The following MTCL3 variants were observed in gnomAD, a reference collection of about 807,000 sequenced individuals.
MTCL3 encodes the protein MTCL family member 3, also known as microtubule cross-linking factor 3.
At chr6:127,516,210 C>A in the MTCL3 span, 1 of 1,432,538 alleles carries the variant, frequency 7.0e-7, no homozygotes, top group South Asian at 1.5e-5. Context: ...TCCTGCCGCC[C>A]AAAGCGGCCA....
the MTCL3 span, among the ~76,000 whole-genome samples, chr6:127,487,092 C>T: frequency 1.3e-5 from 2 of 152,164 alleles, no homozygotes; most frequent in South Asian, 4.1e-4. Flanking sequence ...CTCATTCAGA[C>T]TGACAACAGA....
chr6:127,508,610 G>A, the MTCL3 span, among the ~76,000 whole-genome samples: 2 of 152,152 alleles, frequency 1.3e-5, no homozygotes, highest in East Asian at 3.8e-4. Context: ...TCTTGTGTAT[G>A]GGTGAGGTAT....
the MTCL3 span, chr6:127,476,471 C>A: frequency 6.4e-7 from 1 of 1,560,784 alleles, no homozygotes; most frequent in South Asian, 1.2e-5. The surrounding 1 kb of genome is among the most constrained non-coding windows in gnomAD (Gnocchi z 4.4). Context: ...TTGTCCTCCT[C>A]ATTTGGGGGA....
chr6:127,512,854 A>T, the MTCL3 span: 1 of 1,559,444 alleles, frequency 6.4e-7, no homozygotes, highest in East Asian at 2.3e-5. Context: ...AAAGGGCTAA[A>T]AATACATAGT....
chr6:127,515,621 G>A, the MTCL3 span: 2 of 1,411,786 alleles, frequency 1.4e-6, no homozygotes, highest in Non-Finnish European at 9.2e-7. The surrounding 1 kb of genome is among the most constrained non-coding windows in gnomAD (Gnocchi z 4.3). Flanking sequence ...GCTGCCGCCT[G>A]CATGCCCCCG....
the MTCL3 span, among the ~76,000 whole-genome samples, chr6:127,509,959 G>T: frequency 2.6e-5 from 4 of 152,082 alleles, no homozygotes; most frequent in Admixed American, 6.5e-5. Flanking sequence ...CACTATGAAG[G>T]TCAACCTCAA....
chr6:127,515,654 T>G, the MTCL3 span: 1 of 1,475,216 alleles, frequency 6.8e-7, no homozygotes, highest in Non-Finnish European at 8.9e-7. The surrounding 1 kb of genome is among the most constrained non-coding windows in gnomAD (Gnocchi z 4.3). Flanking sequence ...CCCTCTGCGC[T>G]CTGCTGGGGG....
At chr6:127,475,498 G>C in the MTCL3 span, 1 of 1,613,484 alleles carries the variant, frequency 6.2e-7, no homozygotes, top group Non-Finnish European at 8.5e-7. The surrounding 1 kb of genome is among the most constrained non-coding windows in gnomAD (Gnocchi z 7.3). Flanking sequence ...GTAGATGCGC[G>C]CCTCGGTGAT....
At chr6:127,482,825 G>A in the MTCL3 span, 1 of 975,920 alleles carries the variant, frequency 1.0e-6, no homozygotes, top group Non-Finnish European at 1.5e-6. The surrounding 1 kb of genome is among the most constrained non-coding windows in gnomAD (Gnocchi z 4.1). Context: ...AAGTTTATCT[G>A]GCCATTATAT....
the MTCL3 span, chr6:127,475,170 G>T: frequency 9.9e-7 from 1 of 1,011,108 alleles, no homozygotes; most frequent in Non-Finnish European, 1.4e-6. The surrounding 1 kb of genome is among the most constrained non-coding windows in gnomAD (Gnocchi z 7.3). Flanking sequence ...GCCCCAGCGC[G>T]GCCCTGAGCG....
chr6:127,485,674 C>G, the MTCL3 span, among the ~76,000 whole-genome samples: 7 of 152,104 alleles, frequency 4.6e-5, no homozygotes, highest in Non-Finnish European at 5.9e-5. Flanking sequence ...AGTTTCTGGT[C>G]TATATGTGGT....
chr6:127,493,243 G>T, the MTCL3 span, among the ~76,000 whole-genome samples: 1 of 152,016 alleles, frequency 6.6e-6, no homozygotes, highest in East Asian at 1.9e-4. Context: ...AATACAAAGT[G>T]AACTATACCC....
At chr6:127,494,342 G>C in the MTCL3 span, among the ~76,000 whole-genome samples, 1 of 151,930 alleles carries the variant, frequency 6.6e-6, no homozygotes, top group Non-Finnish European at 1.5e-5. Flanking sequence ...AAATATAAGA[G>C]AGCTTAAAAA....
the MTCL3 span, chr6:127,515,185 C>G: frequency 1.2e-6 from 1 of 830,200 alleles, no homozygotes; most frequent in South Asian, 1.6e-5. This position sits in a 1 kb window ranked among gnomAD's most constrained non-coding sequence, Gnocchi z 4.3. Flanking sequence ...TGACAAGGAG[C>G]TGAGTACAGA....
chr6:127,515,480 C>G, the MTCL3 span: 2 of 1,405,930 alleles, frequency 1.4e-6, no homozygotes, highest in South Asian at 1.7e-5. This position sits in a 1 kb window ranked among gnomAD's most constrained non-coding sequence, Gnocchi z 4.3. Flanking sequence ...CCCACTCTTC[C>G]CATCCCCCAG....
chr6:127,507,946 C>T, the MTCL3 span, among the ~76,000 whole-genome samples: 1 of 151,546 alleles, frequency 6.6e-6, no homozygotes, highest in South Asian at 2.1e-4. Context: ...CACACTCTTC[C>T]TTTTTTTAAA....
the MTCL3 span, among the ~76,000 whole-genome samples, chr6:127,505,130 A>T: frequency 2.6e-5 from 4 of 152,154 alleles, no homozygotes; most frequent in Admixed American, 2.6e-4. Context: ...ATTATTAGGG[A>T]GTTTCAACTT....
At chr6:127,506,815 A>G in the MTCL3 span, among the ~76,000 whole-genome samples, 2 of 152,074 alleles carry the variant, frequency 1.3e-5, no homozygotes, top group Non-Finnish European at 2.9e-5. Context: ...TCCTGACATC[A>G]TGATCCACCC....
chr6:127,495,206 A>T, the MTCL3 span, among the ~76,000 whole-genome samples: 16 of 152,226 alleles, frequency 1.1e-4, no homozygotes, highest in East Asian at 2.9e-3. Context: ...CAAAAAAAAA[A>T]AAAAAATTAT....
Sources: allele counts gnomAD v4.1 joint callset (sites outside exome capture counted in the v4.1 genomes callset), GRCh38; gene constraint gnomAD v4.1.1; non-coding constraint Gnocchi (gnomAD v3.1); transcripts MANE v1.5; gene names NCBI Gene and HGNC (gene_info 2026-07-23, HGNC 2026-07-21).